The following HNRNPUL1 variants were observed in gnomAD, a reference collection of about 807,000 sequenced individuals.
The protein encoded by HNRNPUL1 is heterogeneous nuclear ribonucleoprotein U-like protein 1.
HNRNPUL1 carries 14 observed loss-of-function variants against 108.5 expected under a neutral mutation model. The observed-to-expected ratio is 0.13, with a 90% CI of 0.09 to 0.20. HNRNPUL1 has a LOEUF of 0.20. Ranked by LOEUF, HNRNPUL1 falls within the 10% of genes least tolerant of loss-of-function variation. HNRNPUL1 has a pLI of 1.00. For missense variants in HNRNPUL1, 804 were observed against 1,168.3 expected, an observed-to-expected ratio of 0.69 and a Z score of 4.55; for synonymous variants, 422 against 445.2, an observed-to-expected ratio of 0.95 and a Z score of 0.66.
chr19:41,295,187 A>T (rs1568453356), intron 10 of HNRNPUL1, among the ~76,000 whole-genome samples: 1 of 152,230 alleles, frequency 6.6e-6, no homozygotes, highest in Non-Finnish European at 1.5e-5. Flanking sequence ...GCAGTGCTGT[A>T]AGGTAAATGC....
At chr19:41,269,480 GA>G (rs35932282) in intron 2 of HNRNPUL1, among the ~76,000 whole-genome samples, 12,495 of 48,336 alleles carry the variant, frequency 0.26, 412 homozygotes, top group East Asian at 0.35. Flanking sequence ...ACCCTGTCAC[GA>G]AAAAAAAAAA....
At chr19:41,288,492 C>T (rs1441354275) in intron 7 of HNRNPUL1, among the ~76,000 whole-genome samples, 1 of 152,142 alleles carries the variant, frequency 6.6e-6, no homozygotes, top group Non-Finnish European at 1.5e-5. Context: ...GATCTGCCCT[C>T]CTTGGCCTCC....
upstream of HNRNPUL1, chr19:41,264,328 C>A: frequency 2.0e-6 from 1 of 494,632 alleles, no homozygotes; most frequent in Non-Finnish European, 3.3e-6. Context: ...ACTCATGTAA[C>A]ATCGGACGAG....
intron 2 of HNRNPUL1, among the ~76,000 whole-genome samples, chr19:41,269,291 C>T (rs2035061655): frequency 6.6e-6 from 1 of 151,640 alleles, no homozygotes; most frequent in Non-Finnish European, 1.5e-5. Context: ...CATAGTGAGA[C>T]CCCTTCTCTA....
At chr19:41,268,423 C>G in intron 2 of HNRNPUL1, 78 bp downstream of exon 2, 1 of 1,452,850 alleles carries the variant, frequency 6.9e-7, no homozygotes, top group Non-Finnish European at 9.3e-7. Context: ...TAGAGCGGGT[C>G]TTCCCAGAGA....
At chr19:41,263,824 A>C (rs547584116), upstream of HNRNPUL1, among the ~76,000 whole-genome samples, 15 of 152,108 alleles carry the variant, frequency 9.9e-5, no homozygotes, top group East Asian at 3.9e-4. Flanking sequence ...TTGTTTTGAA[A>C]CCGCCCTAAC....
chr19:41,290,152 G>C (rs2036500222), intron 7 of HNRNPUL1, among the ~76,000 whole-genome samples: 1 of 152,112 alleles, frequency 6.6e-6, no homozygotes, highest in Non-Finnish European at 1.5e-5. Flanking sequence ...TTCTTGAAGG[G>C]CAATTCCCAA....
At position 41,292,530 on chromosome 19, in the gene HNRNPUL1, T is replaced by C; in HGVS notation, c.1266+19T>C. ...ATGTGAGGTGAGTGGGGCCAGAATGTATTGGTGGCCACCTTGCTGCCAAGA... is the reference window on the plus strand; with the variant it reads ...ATGTGAGGTGAGTGGGGCCAGAATGCATTGGTGGCCACCTTGCTGCCAAGA... On this transcript the variant is annotated intron_variant, in intron 8 of 14. Coordinates refer to ENST00000392006, the MANE Select transcript of HNRNPUL1 (RefSeq NM_007040.6). This position sits in a 1 kb window ranked among gnomAD's most constrained non-coding sequence, Gnocchi z 4.1. 1 of 1,599,156 alleles carries C rather than the reference T, an allele frequency of 6.3e-7. No homozygotes were observed. The highest frequency in any genetic ancestry group is 8.6e-7 in the Non-Finnish European group (1 of 1,168,490).
At position 41,305,745 on chromosome 19, in the gene HNRNPUL1, C is replaced by T; in HGVS notation, c.2332C>T (p.Pro778Ser). The change falls in exon 14 of 15, where the codon CCT (proline) becomes TCT (serine). Residue 778 changes from proline to serine, a missense_variant. Coordinates refer to ENST00000392006, the MANE Select transcript of HNRNPUL1 (RefSeq NM_007040.6). ...SQGYTAPPPP[P>S]PPPPAYNYGS... ...GGGCTACACAGCCCCACCGCCTCCA[C>T]CTCCACCACCACCTGCCTACAACTA... 1 of 1,614,144 alleles carries T rather than the reference C, an allele frequency of 6.2e-7. No individual in the cohort carries two copies.
chr19:41,303,395 C>A (rs1047511849), intron 12 of HNRNPUL1, among the ~76,000 whole-genome samples: 1 of 149,082 alleles, frequency 6.7e-6, no homozygotes, highest in East Asian at 2.0e-4. Context: ...CTCTTGTTGC[C>A]CAGGCTAGAG....
At chr19:41,291,836 T>C in intron 7 of HNRNPUL1, 1 of 171,860 alleles carries the variant, frequency 5.8e-6, no homozygotes, top group South Asian at 1.4e-4. Context: ...ATTTAAAAAT[T>C]AGCCAGGTGT....
rs2034685526 is a variant in HNRNPUL1 at position 41,264,550 on chromosome 19, AGCGCC to A, written c.51_55del (p.Arg18ProfsTer12). 6.6e-7 allele frequency: 1 copy of A among 1,510,448 alleles called. No individual in the cohort carries two copies. The highest frequency in any genetic ancestry group is 2.0e-5 in the Admixed American group (1 of 49,554). The allele number at this position is 1,510,448 out of a possible 1,614,324, so 93.6% of individuals were successfully genotyped here. On this transcript the variant is annotated frameshift_variant, in exon 1 of 15. Transcript: ENST00000392006. LOFTEE classifies it high-confidence loss of function. ...GTGAACGAACTTCGCGAGGAGCTGC[AGCGCC>A]GCGGCCTGGACACTCGAGGCCTCAA...
intron 7 of HNRNPUL1, among the ~76,000 whole-genome samples, chr19:41,285,810 T>G (rs960971541): frequency 6.6e-6 from 1 of 152,124 alleles, no homozygotes; most frequent in African/African-American, 2.4e-5. Flanking sequence ...CCTTGAACTT[T>G]GCAGGGATTA....
intron 6 of HNRNPUL1, among the ~76,000 whole-genome samples, chr19:41,280,559 C>T (rs137870388): frequency 6.6e-5 from 10 of 152,144 alleles, no homozygotes; most frequent in Non-Finnish European, 7.4e-5. Context: ...GGTCACATAG[C>T]TGGTTTGTAG....
chr19:41,289,417 T>C (rs753307243), intron 7 of HNRNPUL1, among the ~76,000 whole-genome samples: 1 of 152,156 alleles, frequency 6.6e-6, no homozygotes, highest in Non-Finnish European at 1.5e-5. Flanking sequence ...AAGAGTATGA[T>C]ACTTAGAGCC....
At chr19:41,279,219 G>A in intron 6 of HNRNPUL1, 43 bp downstream of exon 6, 1 of 1,357,152 alleles carries the variant, frequency 7.4e-7, no homozygotes, top group Non-Finnish European at 1.0e-6. Context: ...TAGAGTGACT[G>A]TCCCTACCCT....
At chr19:41,273,704 T>A (rs2035377852) in intron 3 of HNRNPUL1, among the ~76,000 whole-genome samples, 1 of 151,918 alleles carries the variant, frequency 6.6e-6, no homozygotes, top group South Asian at 2.1e-4. Context: ...AATCTTTGGG[T>A]GTAAAAAAAG....
chr19:41,265,349 G>C, intron 1 of HNRNPUL1: 1 of 1,513,024 alleles, frequency 6.6e-7, no homozygotes. Context: ...TTTGGGTACG[G>C]GGGTGGGTGG....
chr19:41,301,541 T>C lies in HNRNPUL1; in HGVS notation c.1524T>C (p.Asn508=). ...TTCTGTTACCTTACCCTTAGACAAA[T>C]GTTTATGGGTCAGCCCAGAGACGAA... is the stretch of plus-strand genomic sequence containing the variant. ...KKRNYILDQT[N]VYGSAQRRKM... is the part of the protein sequence containing the mutation. Residue 508 remains asparagine, a synonymous_variant, in exon 11 of 15, where the codon AAT becomes AAC. Transcript: ENST00000392006. 2 of 1,609,842 alleles carry C rather than the reference T, an allele frequency of 1.2e-6. No individual in the cohort carries two copies. The highest frequency in any genetic ancestry group is 1.7e-6 in the Non-Finnish European group (2 of 1,178,656).
Sources: gnomAD v4.1 joint callset for allele counts (sites outside exome capture counted in the v4.1 genomes callset) on GRCh38, gnomAD v4.1.1 for gene constraint, Gnocchi (gnomAD v3.1) non-coding constraint, MANE v1.5 for transcripts, NCBI Gene and HGNC (gene_info 2026-07-23, HGNC 2026-07-21) for gene names.